SEZ6L: variants seen among roughly 807,000 people sequenced by gnomAD.
The protein encoded by SEZ6L is seizure 6-like protein.
A neutral mutation model predicts 106.2 loss-of-function variants in SEZ6L; 37 were observed. The observed-to-expected ratio is 0.35, with a 90% CI of 0.27 to 0.46. SEZ6L has a LOEUF of 0.46. Among genes scored for constraint, SEZ6L ranks in the 20% least tolerant of loss-of-function variants. The pLI is 1.00. For missense variants in SEZ6L, 1,172 were observed against 1,332.8 expected, an observed-to-expected ratio of 0.88 and a Z score of 1.88; for synonymous variants, 541 against 570.4, an observed-to-expected ratio of 0.95 and a Z score of 0.73.
chr22:26,272,381 T>C (rs1010263782), intron 1 of SEZ6L, among the ~76,000 whole-genome samples: 3 of 152,206 alleles, frequency 2.0e-5, no homozygotes, highest in Non-Finnish European at 4.4e-5. Flanking sequence ...CTGCATGACA[T>C]CCCTCACTTT....
chr22:26,319,828 T>A (rs73404608), intron 9 of SEZ6L, among the ~76,000 whole-genome samples: 5,229 of 152,244 alleles, frequency 0.034, 274 homozygotes, highest in African/African-American at 0.12. Flanking sequence ...CCATAGTAGG[T>A]GCTTAATAAA....
chr22:26,194,216 A>G (rs181279467), intron 1 of SEZ6L, among the ~76,000 whole-genome samples: 5 of 152,310 alleles, frequency 3.3e-5, no homozygotes, highest in Admixed American at 1.3e-4. Flanking sequence ...CATAATTCCT[A>G]TGTCACAGAT....
chr22:26,367,832 G>A (rs1172865589), intron 13 of SEZ6L, among the ~76,000 whole-genome samples: 1 of 152,158 alleles, frequency 6.6e-6, no homozygotes, highest in Admixed American at 6.5e-5. Flanking sequence ...GGAATCGTGA[G>A]CGCCACCTGG....
At chr22:26,313,351 C>T (rs2081898618) in intron 8 of SEZ6L, among the ~76,000 whole-genome samples, 1 of 152,132 alleles carries the variant, frequency 6.6e-6, no homozygotes, top group African/African-American at 2.4e-5. Context: ...CTCCTACAGC[C>T]TGTTAGCAGC....
intron 1 of SEZ6L, among the ~76,000 whole-genome samples, chr22:26,276,820 G>A (rs1283149322): frequency 1.3e-5 from 2 of 152,220 alleles, no homozygotes; most frequent in Non-Finnish European, 2.9e-5. Flanking sequence ...AGGAAGAGGA[G>A]TGTTTAAATG....
intron 1 of SEZ6L, among the ~76,000 whole-genome samples, chr22:26,232,045 G>A (rs536878647): frequency 6.6e-5 from 10 of 152,250 alleles, no homozygotes; most frequent in South Asian, 2.1e-4. Flanking sequence ...TACTTGGTCC[G>A]TCACTCTGAG....
At chr22:26,294,248 A>G (rs762794897) in intron 2 of SEZ6L, 44 bp from the exon 3 acceptor site, 56 of 1,606,652 alleles carry the variant, frequency 3.5e-5, no homozygotes, top group Non-Finnish European at 4.7e-5. Flanking sequence ...TTGAGCTTAC[A>G]TCCAAGTTGT....
At chr22:26,318,078 T>C (rs540338522) in intron 9 of SEZ6L, among the ~76,000 whole-genome samples, 1 of 151,718 alleles carries the variant, frequency 6.6e-6, no homozygotes, top group South Asian at 2.1e-4. Context: ...TTTTATTTTA[T>C]TTTATTTTAT....
chr22:26,363,656 C>A (rs1017627751), intron 12 of SEZ6L, among the ~76,000 whole-genome samples: 2 of 152,172 alleles, frequency 1.3e-5, no homozygotes, highest in Admixed American at 1.3e-4. Flanking sequence ...TCAAACAACA[C>A]GTTTATTATC....
chr22:26,169,466 G>T lies in SEZ6L; in HGVS notation c.-204G>T, dbSNP rs1238192285. ...CTCGCTCGCCGGCTCCTCCTCACTC[G>T]CCCGCCCGCGCCCGGCGCAGCTCGG... On this transcript the variant is annotated 5_prime_UTR_variant, in exon 1 of 17. Coordinates refer to ENST00000248933, the MANE Select transcript of SEZ6L (RefSeq NM_021115.5). 1.9e-5 allele frequency: 6 copies of T among 323,346 alleles called. No individual in the cohort carries two copies. The highest frequency in any genetic ancestry group is 2.8e-5 in the Non-Finnish European group (5 of 178,750). The allele number at this position is 323,346 out of a possible 1,614,324, so 20.0% of individuals were successfully genotyped here. A position where few individuals can be genotyped will look rare whatever the true frequency, so the allele number is the denominator to read the frequency against.
intron 1 of SEZ6L, among the ~76,000 whole-genome samples, chr22:26,184,991 G>A (rs1049720267): frequency 3.3e-5 from 5 of 152,194 alleles, no homozygotes; most frequent in Admixed American, 3.3e-4. Flanking sequence ...GGCTGAATCA[G>A]GAGAATTGCT....
intron 1 of SEZ6L, among the ~76,000 whole-genome samples, chr22:26,267,404 CTGGTAATATAA>C (rs1295788917): frequency 6.6e-6 from 1 of 152,202 alleles, no homozygotes; most frequent in Non-Finnish European, 1.5e-5. Context: ...GGACATGAGG[CTGGTAATATAA>C]CCAAGGACCT....
At chr22:26,263,016 T>C (rs1040363876) in intron 1 of SEZ6L, among the ~76,000 whole-genome samples, 5 of 152,200 alleles carry the variant, frequency 3.3e-5, no homozygotes, top group African/African-American at 4.8e-5. Context: ...AGAATTAATG[T>C]CATTTCCACA....
intron 9 of SEZ6L, among the ~76,000 whole-genome samples, chr22:26,327,434 A>G (rs9613159): frequency 0.25 from 34,908 of 140,790 alleles, 4,641 homozygotes; most frequent in African/African-American, 0.32. Context: ...CACAAACCAC[A>G]CATATGACAC....
chr22:26,312,056 A>G, intron 8 of SEZ6L, 94 bp downstream of exon 8: 1 of 1,222,862 alleles, frequency 8.2e-7, no homozygotes. Context: ...GCCTGTCCCC[A>G]GTTTTCATAC....
chr22:26,299,914 A>C (rs2081401569), intron 5 of SEZ6L, among the ~76,000 whole-genome samples: 2 of 152,212 alleles, frequency 1.3e-5, no homozygotes, highest in South Asian at 4.1e-4. Flanking sequence ...GATTTTCCAC[A>C]GCAGCTGCAC....
At chr22:26,296,838 T>C (rs1341305597) in intron 3 of SEZ6L, 50 bp from the exon 4 acceptor site, 2 of 1,467,164 alleles carry the variant, frequency 1.4e-6, no homozygotes, top group South Asian at 1.4e-5. Context: ...GAAGGCTCTG[T>C]CTCAAACACA....
At chr22:26,308,332 T>C (rs1407539871) in intron 6 of SEZ6L, among the ~76,000 whole-genome samples, 2 of 150,704 alleles carry the variant, frequency 1.3e-5, no homozygotes, top group East Asian at 1.9e-4. Flanking sequence ...AGCAAATTTG[T>C]TGGGGGGCTG....
At chr22:26,255,493 C>A (rs1202377830) in intron 1 of SEZ6L, among the ~76,000 whole-genome samples, 1 of 152,220 alleles carries the variant, frequency 6.6e-6, no homozygotes, top group Non-Finnish European at 1.5e-5. Context: ...AAGAGAAGGA[C>A]TTTCTGTGAG....
Sources: gnomAD v4.1 joint callset for allele counts (sites outside exome capture counted in the v4.1 genomes callset) on GRCh38, gnomAD v4.1.1 for gene constraint, MANE v1.5 for transcripts, NCBI Gene and HGNC (gene_info 2026-07-23, HGNC 2026-07-21) for gene names.